The following TRAF3 variants were observed in gnomAD, a reference collection of about 807,000 sequenced individuals.
TRAF3 encodes TNF receptor associated factor 3, also known as TNF receptor-associated factor 3.
Under a neutral mutation model 62.3 loss-of-function variants are expected in TRAF3, and 13 were observed. The ratio of observed to expected loss-of-function variants is 0.21; its 90% CI spans 0.14 to 0.33. TRAF3 has a LOEUF of 0.33. Among genes scored for constraint, TRAF3 ranks in the 10% least tolerant of loss-of-function variants. The pLI is 1.00. For synonymous variants in TRAF3, 269 were observed against 283.4 expected, an observed-to-expected ratio of 0.95 and a Z score of 0.51; for missense variants, 440 against 741.8, an observed-to-expected ratio of 0.59 and a Z score of 4.73.
At chr14:102,838,575 A>G (rs1886166936) in intron 2 of TRAF3, among the ~76,000 whole-genome samples, 1 of 152,250 alleles carries the variant, frequency 6.6e-6, no homozygotes, top group African/African-American at 2.4e-5. Flanking sequence ...CCATGAGTCT[A>G]GTGATAAATA....
intron 1 of TRAF3, among the ~76,000 whole-genome samples, chr14:102,778,515 C>T (rs1169191146): frequency 6.6e-6 from 1 of 152,270 alleles, no homozygotes; most frequent in South Asian, 2.1e-4. Flanking sequence ...TTGACGGGAC[C>T]AGTTGTATTT....
chr14:102,845,377 A>G (rs1886638484), intron 2 of TRAF3, among the ~76,000 whole-genome samples: 1 of 147,202 alleles, frequency 6.8e-6, no homozygotes, highest in Non-Finnish European at 1.5e-5. Flanking sequence ...TAATTTTTTT[A>G]TTTTTAGTAG....
chr14:102,858,357 T>C (rs1019820476), intron 2 of TRAF3, among the ~76,000 whole-genome samples: 20 of 152,114 alleles, frequency 1.3e-4, no homozygotes, highest in Non-Finnish European at 2.2e-4. Context: ...TTCACCACAT[T>C]GGTCATGCTG....
chr14:102,874,908 C>T (rs748972440), intron 4 of TRAF3, among the ~76,000 whole-genome samples: 24 of 152,150 alleles, frequency 1.6e-4, no homozygotes, highest in Non-Finnish European at 3.1e-4. Context: ...CCTCCTGCCT[C>T]GGTTTCCCAA....
chr14:102,823,764 A>G (rs1342006188), intron 1 of TRAF3, among the ~76,000 whole-genome samples: 1 of 152,180 alleles, frequency 6.6e-6, no homozygotes, highest in African/African-American at 2.4e-5. Context: ...ATTCCATACA[A>G]TTACCTATTT....
chr14:102,891,214 A>G, intron 8 of TRAF3, 111 bp from the exon 9 acceptor site: 3 of 1,017,480 alleles, frequency 2.9e-6, no homozygotes, highest in South Asian at 2.7e-5. Flanking sequence ...CTTGACGCAA[A>G]TAGGTCTCCC....
At chr14:102,891,240 G>A in intron 8 of TRAF3, 85 bp from the exon 9 acceptor site, 1 of 1,272,898 alleles carries the variant, frequency 7.9e-7, no homozygotes, top group East Asian at 2.5e-5. Context: ...TGTGTTTAGT[G>A]CTGCTTTTAG....
intron 9 of TRAF3, 147 bp downstream of exon 9, chr14:102,891,564 T>C (rs1164326416): frequency 1.1e-6 from 1 of 915,358 alleles, no homozygotes; most frequent in Non-Finnish European, 1.7e-6. Flanking sequence ...GATCTTGAGC[T>C]TATAAATGAA....
In TRAF3 at chr14:102,908,977, C is replaced by T. The variant is rs902571559; in HGVS notation, c.*3193C>T. 4 of 152,420 alleles carry T rather than the reference C, an allele frequency of 2.6e-5. No individual in the cohort carries two copies. The highest frequency in any genetic ancestry group is 5.9e-5 in the Non-Finnish European group (4 of 68,220). 9.4% of individuals were successfully genotyped at this position (152,420 alleles called of 1,614,324 possible). ...GACCCTCTGGTTCTAGGGCTTGTCCCGCGGAGCCTGCAGAGCTAGACGTTG... is the reference window on the plus strand; with the variant it reads ...GACCCTCTGGTTCTAGGGCTTGTCCTGCGGAGCCTGCAGAGCTAGACGTTG... On this transcript the variant is annotated 3_prime_UTR_variant, in exon 12 of 12. Coordinates refer to ENST00000392745, the MANE Select transcript of TRAF3 (RefSeq NM_145725.3).
At chr14:102,820,596 AT>A (rs1899866429) in intron 1 of TRAF3, among the ~76,000 whole-genome samples, 3 of 11,376 alleles carry the variant, frequency 2.6e-4, no homozygotes, top group African/African-American at 9.2e-4. Context: ...ATATATATAT[AT>A]ATATATATAT....
chr14:102,865,253 A>T (rs10144464), intron 2 of TRAF3, among the ~76,000 whole-genome samples: 52,182 of 151,964 alleles, frequency 0.34, 12,046 homozygotes, highest in African/African-American at 0.65. Flanking sequence ...TCATTGATAT[A>T]GAAGGTCACG....
chr14:102,796,751 C>A (rs1898112752), intron 1 of TRAF3, among the ~76,000 whole-genome samples: 1 of 152,160 alleles, frequency 6.6e-6, no homozygotes, highest in South Asian at 2.1e-4. Context: ...ATTCCTGAGG[C>A]CAAGACCTCT....
chr14:102,813,505 C>T (rs773654735), intron 1 of TRAF3, among the ~76,000 whole-genome samples: 3 of 150,220 alleles, frequency 2.0e-5, no homozygotes, highest in Admixed American at 6.7e-5. Context: ...GGCTGGAGTG[C>T]AGTGGTGTGA....
intron 1 of TRAF3, among the ~76,000 whole-genome samples, chr14:102,817,310 GT>G (rs796552844): frequency 9.2e-5 from 14 of 152,320 alleles, no homozygotes; most frequent in African/African-American, 3.4e-4. Flanking sequence ...CAAGACTGGT[GT>G]CAGGAGGCAT....
chr14:102,837,757 G>A lies in TRAF3; in HGVS notation c.-18+7285G>A, dbSNP rs78779804. 2.3e-3 allele frequency among the ~76,000 whole-genome samples: 352 copies of A among 152,234 alleles called. 1 individual carries two copies. Among genetic ancestry groups the A allele is most frequent in the Admixed American group, 3.7e-3 (56 of 15,292 alleles). On this transcript the variant is annotated intron_variant, in intron 2 of 11. Transcript: ENST00000392745. ...CCTCTTGCTAAGGAATTAGATAATC[G>A]TGCAGGGTTTGAATTGACAGTTGTC...
intron 1 of TRAF3, among the ~76,000 whole-genome samples, chr14:102,804,714 T>C (rs542413479): frequency 2.0e-5 from 3 of 152,186 alleles, no homozygotes; most frequent in Non-Finnish European, 4.4e-5. Flanking sequence ...CTTGAACTCC[T>C]GGCCTCAAGT....
At chr14:102,783,400 A>G (rs1897345184) in intron 1 of TRAF3, among the ~76,000 whole-genome samples, 1 of 152,180 alleles carries the variant, frequency 6.6e-6, no homozygotes, top group Non-Finnish European at 1.5e-5. Context: ...GAACAGGAAA[A>G]CTAGTTCTCT....
intron 1 of TRAF3, among the ~76,000 whole-genome samples, chr14:102,825,279 A>G (rs1027801726): frequency 4.6e-5 from 7 of 152,218 alleles, no homozygotes; most frequent in Non-Finnish European, 1.0e-4. Flanking sequence ...TGCCACCTCA[A>G]CTGTAAACTG....
At position 102,889,442 on chromosome 14, in the gene TRAF3, C is replaced by T. The variant is rs761751228; in HGVS notation, c.652-118C>T. 2.2e-5 allele frequency: 23 copies of T among 1,026,834 alleles called. No individual in the cohort carries two copies. In the East Asian group the frequency reaches 2.6e-4, roughly 12 times the overall value. 63.6% of individuals were successfully genotyped at this position (1,026,834 alleles called of 1,614,324 possible). ...CTAGGCAGCAGATGATATATACACA[C>T]CTGTAGCGATAAACACCATTCTTAA... On this transcript the variant is annotated intron_variant, in intron 7 of 11. Transcript: ENST00000392745.
Sources: gnomAD v4.1 joint callset for allele counts (sites outside exome capture counted in the v4.1 genomes callset) on GRCh38, gnomAD v4.1.1 for gene constraint, MANE v1.5 for transcripts, NCBI Gene and HGNC (gene_info 2026-07-23, HGNC 2026-07-21) for gene names.